RAPGEF4: variants seen among roughly 807,000 people sequenced by gnomAD.
RAPGEF4 encodes the protein RAP guanine-nucleotide-exchange factor (GEF) 4.
In RAPGEF4, 66 loss-of-function variants were observed where a neutral mutation model predicts 147.9. That is an observed-to-expected ratio of 0.45 (90% CI 0.37 to 0.55). The LOEUF (loss-of-function observed/expected upper bound fraction) is 0.55. Among genes scored for constraint, RAPGEF4 ranks in the 20% least tolerant of loss-of-function variants. The probability of loss-of-function intolerance (pLI) is 0.00; values close to 1 mark genes in which losing one functional copy is unlikely to be tolerated. For synonymous variants in RAPGEF4, 419 were observed against 442.7 expected (o/e 0.95, Z 0.67); for missense variants, 1,071 against 1,257.3 (o/e 0.85, Z 2.24).
At chr2:172,769,434 T>C (rs1400969025) in intron 1 of RAPGEF4, among the ~76,000 whole-genome samples, 3 of 152,154 alleles carry the variant, frequency 2.0e-5, no homozygotes, top group Non-Finnish European at 4.4e-5. Context: ...CTGTCTGAGC[T>C]CTGGGTGTGA....
chr2:172,947,309 A>C (rs1274402603), intron 6 of RAPGEF4, among the ~76,000 whole-genome samples: 1 of 152,180 alleles, frequency 6.6e-6, no homozygotes, highest in African/African-American at 2.4e-5. Context: ...GGACTTCAAT[A>C]CTTTTTTTGT....
intron 4 of RAPGEF4, among the ~76,000 whole-genome samples, chr2:172,870,737 C>A (rs1004858481): frequency 6.6e-6 from 1 of 152,064 alleles, no homozygotes; most frequent in Non-Finnish European, 1.5e-5. Context: ...TATCTTTATG[C>A]TTGTTTCCTA....
At chr2:173,019,998 G>T (rs191166889) in intron 22 of RAPGEF4, among the ~76,000 whole-genome samples, 3 of 151,978 alleles carry the variant, frequency 2.0e-5, no homozygotes, top group African/African-American at 7.2e-5. Flanking sequence ...TTTTTTTTCT[G>T]TATTGTTCCC....
intron 6 of RAPGEF4, among the ~76,000 whole-genome samples, chr2:172,940,236 T>C (rs1687012622): frequency 6.6e-6 from 1 of 152,104 alleles, no homozygotes; most frequent in African/African-American, 2.4e-5. Context: ...TGAGAATATA[T>C]ATTATTATTG....
intron 10 of RAPGEF4, among the ~76,000 whole-genome samples, chr2:172,980,170 G>GCTATC (rs1281065657): frequency 6.6e-6 from 1 of 152,214 alleles, no homozygotes. Flanking sequence ...AGAGAGTGTA[G>GCTATC]CTATCAGGGA....
chr2:172,948,028 C>T lies in RAPGEF4; in HGVS notation c.538-12732C>T, dbSNP rs183108071. Among the ~76,000 whole-genome samples, 20 of 152,278 alleles carry T rather than the reference C, an allele frequency of 1.3e-4. 2 individuals are homozygous for T. The highest frequency in any genetic ancestry group is 1.1e-3 in the Admixed American group (17 of 15,296). ...TTTTTATGCTTTATATCAGTGAAAT[C>T]ATCTGGTGTATACCTTTTGTATCCA... On this transcript the variant is annotated intron_variant, in intron 6 of 30. Coordinates refer to ENST00000397081, the MANE Select transcript of RAPGEF4 (RefSeq NM_007023.4).
intron 1 of RAPGEF4, among the ~76,000 whole-genome samples, chr2:172,791,395 C>T (rs1053515348): frequency 6.6e-6 from 1 of 152,154 alleles, no homozygotes; most frequent in Non-Finnish European, 1.5e-5. Context: ...CTGTTTCGGG[C>T]ACTGTAGGAT....
intron 1 of RAPGEF4, among the ~76,000 whole-genome samples, chr2:172,741,510 A>G (rs1694293868): frequency 6.6e-6 from 1 of 152,198 alleles, no homozygotes; most frequent in African/African-American, 2.4e-5. Flanking sequence ...TTTTTTGGCT[A>G]ATGTGAATAC....
At chr2:172,987,846 C>T (rs540564174) in intron 12 of RAPGEF4, among the ~76,000 whole-genome samples, 14 of 152,236 alleles carry the variant, frequency 9.2e-5, no homozygotes, top group East Asian at 1.9e-4. Flanking sequence ...TGTTTTTAAA[C>T]GTCACATTAC....
At chr2:172,768,454 T>TA (rs1697051616) in intron 1 of RAPGEF4, among the ~76,000 whole-genome samples, 1 of 145,828 alleles carries the variant, frequency 6.9e-6, no homozygotes, top group Non-Finnish European at 1.5e-5. Flanking sequence ...ACAATTCCAA[T>TA]AGGAAGCTGC....
At chr2:172,899,465 G>A (rs1301419508) in intron 4 of RAPGEF4, among the ~76,000 whole-genome samples, 1 of 152,216 alleles carries the variant, frequency 6.6e-6, no homozygotes, top group Non-Finnish European at 1.5e-5. Context: ...ATTAAAGGTT[G>A]GATATACGGT....
chr2:172,993,849 C>T (rs1276662128), intron 15 of RAPGEF4, among the ~76,000 whole-genome samples: 1 of 152,156 alleles, frequency 6.6e-6, no homozygotes, highest in Non-Finnish European at 1.5e-5. Context: ...GTGGCCACAG[C>T]AACTGTACCA....
At chr2:172,841,016 C>A (rs1691525730) in intron 4 of RAPGEF4, among the ~76,000 whole-genome samples, 1 of 152,178 alleles carries the variant, frequency 6.6e-6, no homozygotes, top group Non-Finnish European at 1.5e-5. Context: ...TTAACAGTGT[C>A]CAAAACTATT....
chr2:172,891,268 T>TGAAGAAAA (rs1697880861), intron 4 of RAPGEF4, among the ~76,000 whole-genome samples: 1 of 152,212 alleles, frequency 6.6e-6, no homozygotes, highest in African/African-American at 2.4e-5. Flanking sequence ...CTTTCTTCCC[T>TGAAGAAAA]TCATGAGTTT....
intron 15 of RAPGEF4, among the ~76,000 whole-genome samples, chr2:172,995,360 G>C (rs4972392): frequency 6.6e-6 from 1 of 150,738 alleles, no homozygotes; most frequent in African/African-American, 2.5e-5. Context: ...GCTCACTGCA[G>C]CCTCCGCCTC....
chr2:172,865,170 C>G (rs185007762), intron 4 of RAPGEF4, among the ~76,000 whole-genome samples: 2 of 152,304 alleles, frequency 1.3e-5, no homozygotes, highest in Admixed American at 1.3e-4. Context: ...TCACTGGACC[C>G]CTCGGCACAA....
At chr2:172,985,785 G>C (rs1381076124) in intron 12 of RAPGEF4, among the ~76,000 whole-genome samples, 5 of 152,230 alleles carry the variant, frequency 3.3e-5, no homozygotes, top group African/African-American at 9.6e-5. Context: ...AGGGTGGGAT[G>C]AAGTCACTGC....
intron 4 of RAPGEF4, among the ~76,000 whole-genome samples, chr2:172,831,266 C>A (rs1288655911): frequency 3.7e-5 from 2 of 53,876 alleles, no homozygotes; most frequent in Non-Finnish European, 7.1e-5. Context: ...AGATAGAAAA[C>A]TTTTTTTTTT....
chr2:172,737,682 C>G (rs1417397222), intron 1 of RAPGEF4, among the ~76,000 whole-genome samples: 1 of 151,260 alleles, frequency 6.6e-6, no homozygotes, highest in Non-Finnish European at 1.5e-5. Context: ...TTTAATGCCA[C>G]CATTCATAAT....
Sources: gnomAD v4.1 joint callset for allele counts (sites outside exome capture counted in the v4.1 genomes callset) on GRCh38, gnomAD v4.1.1 for gene constraint, MANE v1.5 for transcripts, NCBI Gene and HGNC (gene_info 2026-07-23, HGNC 2026-07-21) for gene names.